Variants in DHX36 observed in about 807,000 individuals in gnomAD.
DHX36 encodes ATP-dependent DNA/RNA helicase DHX36.
Under a neutral mutation model 139.0 loss-of-function variants are expected in DHX36, and 50 were observed. The observed-to-expected ratio is 0.36, with a 90% CI of 0.29 to 0.46. The LOEUF is 0.46. Among genes scored for constraint, DHX36 ranks in the 20% least tolerant of loss-of-function variants. DHX36 has a pLI of 1.00. For missense variants in DHX36, 1,024 were observed against 1,211.3 expected (o/e 0.85, Z 2.29); for synonymous variants, 425 against 401.9 (o/e 1.06, Z -0.69).
chr3:154,290,978 CA>C (rs1191650933), intron 15 of DHX36, among the ~76,000 whole-genome samples: 3 of 149,862 alleles, frequency 2.0e-5, no homozygotes, highest in African/African-American at 4.9e-5. Flanking sequence ...ACTAAAAATA[CA>C]AAAAAATTAG....
chr3:154,311,222 G>C (rs1446641443), intron 4 of DHX36, among the ~76,000 whole-genome samples: 1 of 151,944 alleles, frequency 6.6e-6, no homozygotes, highest in Non-Finnish European at 1.5e-5. Context: ...ATTCTACATA[G>C]GGTAATCATA....
intron 13 of DHX36, 95 bp downstream of exon 13, chr3:154,295,189 C>T: frequency 2.9e-6 from 2 of 700,760 alleles, no homozygotes. Context: ...TTTGAAAATA[C>T]TCCTTAAAAA....
rs141034577 is a variant in DHX36, at chr3:154,300,900, C to T, written c.1358+87G>A. Reference sequence around the variant, plus strand: ...GACTCACAATGCTCTCCTTTAAGTACGTACAGATTCAAGAAGATGCCCCCA... The same window carrying T: ...GACTCACAATGCTCTCCTTTAAGTATGTACAGATTCAAGAAGATGCCCCCA... On this transcript the variant is annotated intron_variant, in intron 10 of 24. Coordinates refer to ENST00000496811, the MANE Select transcript of DHX36 (RefSeq NM_020865.3). The T allele has an allele frequency of 9.4e-5, 145 of 1,536,148 alleles. No homozygotes were observed. In the African/African-American group the frequency reaches 1.8e-3, roughly 19 times the overall value.
intron 4 of DHX36, among the ~76,000 whole-genome samples, chr3:154,311,300 TTTAA>T (rs747263127): frequency 5.9e-5 from 9 of 152,276 alleles, no homozygotes; most frequent in Non-Finnish European, 1.2e-4. Context: ...GTACATTGAT[TTTAA>T]TTAATACAAT....
intron 20 of DHX36, among the ~76,000 whole-genome samples, chr3:154,282,241 C>T (rs1719354774): frequency 6.6e-6 from 1 of 152,076 alleles, no homozygotes; most frequent in Admixed American, 6.5e-5. Flanking sequence ...TCCTGTCTTC[C>T]TGTCTTTAAG....
chr3:154,295,035 C>T (rs1459947377), intron 13 of DHX36, among the ~76,000 whole-genome samples: 1 of 152,098 alleles, frequency 6.6e-6, no homozygotes, highest in African/African-American at 2.4e-5. Context: ...ACTGGTGAAA[C>T]CAATTCTTTA....
Position 154,300,716 on chromosome 3 carries a change from A to C in DHX36, c.1359-20T>G, listed in dbSNP as rs375862150. 517 of 1,572,040 alleles carry C rather than the reference A, an allele frequency of 3.3e-4. 3 individuals carry two copies. Among genetic ancestry groups the C allele is most frequent in the Middle Eastern group, 1.7e-4 (1 of 5,962 alleles). The stretch of plus-strand genomic sequence containing the variant: ...GAATACCTATCAAAGTTAAACACAA[A>C]GTCATGAAATACTTAATCAAGTTTT... On this transcript the variant is annotated intron_variant, in intron 10 of 24. Coordinates refer to ENST00000496811, the MANE Select transcript of DHX36 (RefSeq NM_020865.3).
rs1188922436 is a variant in DHX36, at chr3:154,272,818, C to T, written c.*3353G>A. The T allele has an allele frequency of 1.3e-5, 2 of 152,032 alleles. No homozygotes were observed. The highest frequency in any genetic ancestry group is 2.9e-5 in the Non-Finnish European group (2 of 68,002). 9.4% of individuals were successfully genotyped at this position (152,032 alleles called of 1,614,324 possible). On this transcript the variant is annotated 3_prime_UTR_variant, in exon 25 of 25. Transcript: ENST00000496811. ...GCTAAGAACAGAAGGAAATTTACCA[C>T]TATTTATTTTGGGTAAAGGAGTACT...
chr3:154,305,514 G>A (rs1162306825), intron 6 of DHX36, among the ~76,000 whole-genome samples: 1 of 152,210 alleles, frequency 6.6e-6, no homozygotes, highest in African/African-American at 2.4e-5. Flanking sequence ...GCTCAGGCTT[G>A]TAATCCCAAC....
In DHX36 at chr3:154,309,966, A is replaced by T. The variant is rs116044864; in HGVS notation, c.643-143T>A. ...AAATTTTGCCATATCCAATACTGGC[A>T]GTTTGGATATCTGGATCTACCAACC... On this transcript the variant is annotated intron_variant, in intron 4 of 24. Transcript: ENST00000496811. The T allele has an allele frequency of 1.0e-3, 647 of 616,292 alleles. 1 individual carries two copies. In the African/African-American group the frequency reaches 0.011, roughly 10 times the overall value. The allele number at this position is 616,292 out of a possible 1,614,324, so 38.2% of individuals were successfully genotyped here. A position where few individuals can be genotyped will look rare whatever the true frequency, so the allele number is the denominator to read the frequency against.
chr3:154,309,405 C>T (rs185445263), intron 5 of DHX36, among the ~76,000 whole-genome samples: 1 of 152,144 alleles, frequency 6.6e-6, no homozygotes, highest in East Asian at 1.9e-4. Flanking sequence ...CTATTTCATT[C>T]TTGTGAACAT....
Position 154,315,059 on chromosome 3 carries a change from T to A in DHX36, c.590A>T (p.Tyr197Phe). Residue 197 changes from tyrosine (Y) to phenylalanine (F), a missense_variant, in exon 3 of 25, where the codon TAT becomes TTT. Around this residue, in one of 4 missense-constraint regions of DHX36, gnomAD observed 293 missense variants for 274.4 expected, o/e 1.07. Transcript: ENST00000496811. The part of the protein sequence containing the change: ...DLQKKKNDLR[Y>F]IEMQHFREKL... ...TCTTTCTACTACCTGCATTTCAATA[T>A]ACCGAAGGTCATTTTTTTTCTTTTG... The A allele has an allele frequency of 6.3e-7, 1 of 1,598,326 alleles. No homozygotes were observed. The highest frequency in any genetic ancestry group is 1.3e-5 in the African/African-American group (1 of 74,102).
intron 17 of DHX36, among the ~76,000 whole-genome samples, chr3:154,286,983 G>T (rs1349894691): frequency 6.6e-6 from 1 of 152,048 alleles, no homozygotes; most frequent in East Asian, 1.9e-4. Context: ...GGAGTGATTT[G>T]TTCCACTAGA....
chr3:154,280,757 C>T lies in DHX36; in HGVS notation c.2476+6G>A, dbSNP rs201549631. The T allele has an allele frequency of 6.2e-7, 1 of 1,611,796 alleles. No individual in the cohort carries two copies. Among genetic ancestry groups the T allele is most frequent in the East Asian group, 2.2e-5 (1 of 44,824 alleles). ...ATACTTATTTACACTGTGTTTCCTGCTGTACCTGAATTTATATTAGATTCT... is the reference window on the plus strand; with the variant it reads ...ATACTTATTTACACTGTGTTTCCTGTTGTACCTGAATTTATATTAGATTCT... On this transcript the variant is annotated splice_donor_region_variant and intron_variant, in intron 21 of 24. Transcript: ENST00000496811.
At position 154,302,724 on chromosome 3, in the gene DHX36, A is replaced by G. The variant is rs137973880; in HGVS notation, c.1217+605T>C. On this transcript the variant is annotated intron_variant, in intron 9 of 24. Coordinates refer to ENST00000496811, the MANE Select transcript of DHX36 (RefSeq NM_020865.3). ...TGAAAATCAGGCAGGAGAACCAGCA[A>G]AAGGGTTCAAACACTAAAGACAAAG... Among the ~76,000 whole-genome samples the G allele has an allele frequency of 3.2e-3, 480 of 152,320 alleles. 1 individual carries two copies. Among genetic ancestry groups the G allele is most frequent in the African/African-American group, 0.011 (446 of 41,572 alleles).
chr3:154,276,993 T>C (rs1719169331), intron 23 of DHX36, 94 bp from the exon 24 acceptor site: 1 of 1,072,006 alleles, frequency 9.3e-7, no homozygotes, highest in Non-Finnish European at 1.3e-6. Context: ...TTAATGAGTA[T>C]CTTCCTTCTA....
chr3:154,323,759 A>G (rs1713289969), intron 1 of DHX36, among the ~76,000 whole-genome samples: 3 of 152,206 alleles, frequency 2.0e-5, no homozygotes. Context: ...GTTCCGCGCA[A>G]ACCTATCTCA....
intron 20 of DHX36, 61 bp from the exon 21 acceptor site, chr3:154,280,923 A>C: frequency 8.3e-7 from 1 of 1,201,304 alleles, no homozygotes; most frequent in Non-Finnish European, 1.2e-6. Context: ...GCTATAAACC[A>C]TACACTAATA....
At chr3:154,297,812 TG>T (rs1433302466) in intron 12 of DHX36, among the ~76,000 whole-genome samples, 4 of 152,074 alleles carry the variant, frequency 2.6e-5, no homozygotes, top group Non-Finnish European at 5.9e-5. Context: ...ACAATTCTGT[TG>T]AAGACTATAT....
Sources: gnomAD v4.1 joint callset for allele counts (sites outside exome capture counted in the v4.1 genomes callset) on GRCh38, gnomAD v4.1.1 for gene constraint, gnomAD v4.1.1 regional missense constraint, MANE v1.5 for transcripts, NCBI Gene and HGNC (gene_info 2026-07-23, HGNC 2026-07-21) for gene names.